The following ZNF532 variants were observed in gnomAD, a reference collection of about 807,000 sequenced individuals.
The protein encoded by ZNF532 is zinc finger protein 532.
In ZNF532, 22 loss-of-function variants were observed where a neutral mutation model predicts 89.3. The observed-to-expected ratio is 0.25, with a 90% CI of 0.18 to 0.35. The LOEUF is 0.35. Among genes scored for constraint, ZNF532 ranks in the 10% least tolerant of loss-of-function variants. The pLI is 1.00. For missense variants in ZNF532, 1,132 were observed against 1,643.4 expected (o/e 0.69, Z 5.38); for synonymous variants, 606 against 649.6 (o/e 0.93, Z 1.02).
At chr18:58,921,054 C>T (rs1446707065) in intron 3 of ZNF532, among the ~76,000 whole-genome samples, 2 of 151,328 alleles carry the variant, frequency 1.3e-5, no homozygotes, top group Non-Finnish European at 2.9e-5. Flanking sequence ...TGAGCCACTG[C>T]ACTGTAGCCT....
chr18:58,889,792 C>A (rs931732828), intron 2 of ZNF532, among the ~76,000 whole-genome samples: 4 of 146,230 alleles, frequency 2.7e-5, no homozygotes, highest in African/African-American at 5.1e-5. Flanking sequence ...AACAAAAAAA[C>A]CCCAAAATTT....
At chr18:58,939,867 A>G (rs2062828283) in intron 5 of ZNF532, 1 of 308,782 alleles carries the variant, frequency 3.2e-6, no homozygotes, top group African/African-American at 2.2e-5. Context: ...CTCAACAAGT[A>G]AATATTTATA....
rs925128854 is a variant in ZNF532, at chr18:58,984,560, T to G, written c.*94T>G. ...TGCAGTATAATAGAGTTAACAGTAC[T>G]GTCTAGGCTGTTGCAATATATTCTC... On this transcript the variant is annotated 3_prime_UTR_variant, in exon 10 of 10. Coordinates refer to ENST00000591808, the MANE Select transcript of ZNF532 (RefSeq NM_001375912.1). 3 of 1,407,796 alleles carry G rather than the reference T, an allele frequency of 2.1e-6. No homozygotes were observed. The highest frequency in any genetic ancestry group is 5.4e-5 in the Admixed American group (2 of 37,036). The allele number at this position is 1,407,796 out of a possible 1,614,324, so 87.2% of individuals were successfully genotyped here. A position where few individuals can be genotyped will look rare whatever the true frequency, so the allele number is the denominator to read the frequency against.
At chr18:58,938,086 G>A (rs1014417723) in intron 4 of ZNF532, among the ~76,000 whole-genome samples, 3 of 152,118 alleles carry the variant, frequency 2.0e-5, no homozygotes, top group South Asian at 2.1e-4. Flanking sequence ...GTGTAACTTC[G>A]GAAGCATCTC....
rs750548081 is a variant in ZNF532, at chr18:58,948,114, C to A, written c.2753C>A (p.Thr918Asn). Residue 918 changes from threonine to asparagine, a missense_variant, in exon 6 of 10, where the codon ACC (threonine) becomes AAC (asparagine). Thr to Asn is a moderately conservative substitution (Grantham distance 65, BLOSUM62 0). This residue lies in a region of ZNF532 where 415 missense variants were observed against 604.8 expected (regional missense o/e 0.69). Transcript: ENST00000591808. ...SMCDTVFTLQ[T>N]LLYRHFDQHI... ...TGCGACACTGTGTTCACCCTGCAAA[C>A]CTTGCTGTATCGCCACTTTGACCAA... The A allele has an allele frequency of 4.3e-6, 7 of 1,613,710 alleles. No homozygotes were observed. The Admixed American group carries it at 1.0e-4, about 23-fold the overall frequency.
At chr18:58,946,765 C>T (rs1442637426) in intron 5 of ZNF532, among the ~76,000 whole-genome samples, 1 of 152,152 alleles carries the variant, frequency 6.6e-6, no homozygotes, top group Non-Finnish European at 1.5e-5. Flanking sequence ...CACCCCCTCC[C>T]CCAAGGGTAC....
chr18:58,905,446 G>T (rs2059876161), intron 2 of ZNF532, among the ~76,000 whole-genome samples: 1 of 149,644 alleles, frequency 6.7e-6, no homozygotes, highest in Non-Finnish European at 1.5e-5. Flanking sequence ...TGTTGCCCAG[G>T]CTGAAGTGCA....
chr18:58,936,609 T>C (rs967709317), intron 4 of ZNF532, among the ~76,000 whole-genome samples: 1 of 152,220 alleles, frequency 6.6e-6, no homozygotes, highest in Non-Finnish European at 1.5e-5. Context: ...GTATTTCAAA[T>C]TGTAGATTTC....
chr18:58,866,806 A>C (rs1258362794), intron 2 of ZNF532, among the ~76,000 whole-genome samples: 1 of 152,266 alleles, frequency 6.6e-6, no homozygotes, highest in African/African-American at 2.4e-5. Context: ...AAAACTGGCA[A>C]AAGGGAAACA....
chr18:58,876,519 T>G (rs2144770872), intron 2 of ZNF532, among the ~76,000 whole-genome samples: 1 of 152,330 alleles, frequency 6.6e-6, no homozygotes, highest in East Asian at 1.9e-4. Flanking sequence ...GACTGTTTTT[T>G]TTGATCACAG....
chr18:58,969,965 A>C (rs554297045), intron 7 of ZNF532, among the ~76,000 whole-genome samples: 7 of 141,808 alleles, frequency 4.9e-5, no homozygotes, highest in Admixed American at 4.4e-4. Flanking sequence ...GCTCACTGCA[A>C]CCTCCCACTC....
chr18:58,910,142 T>C (rs1259118596), intron 2 of ZNF532, among the ~76,000 whole-genome samples: 1 of 152,236 alleles, frequency 6.6e-6, no homozygotes, highest in Non-Finnish European at 1.5e-5. Flanking sequence ...TACCCAACTT[T>C]ACTTAAAGGT....
At chr18:58,931,139 A>T (rs140333990) in intron 3 of ZNF532, among the ~76,000 whole-genome samples, 80 of 152,326 alleles carry the variant, frequency 5.3e-4, no homozygotes, top group Non-Finnish European at 7.5e-4. Context: ...TTTTTAGATG[A>T]CATAAGTAAA....
intron 7 of ZNF532, among the ~76,000 whole-genome samples, chr18:58,969,870 TC>T (rs1398498922): frequency 1.3e-4 from 19 of 146,222 alleles, no homozygotes; most frequent in African/African-American, 4.4e-4. Context: ...GCAATATTTG[TC>T]CCTTTTTTTT....
intron 2 of ZNF532, among the ~76,000 whole-genome samples, chr18:58,869,296 A>G (rs2056764741): frequency 6.6e-6 from 1 of 152,238 alleles, no homozygotes; most frequent in Non-Finnish European, 1.5e-5. Flanking sequence ...CGTAGTGAAC[A>G]TTGTCTGAAG....
At chr18:58,926,801 T>C (rs1035019995) in intron 3 of ZNF532, among the ~76,000 whole-genome samples, 1 of 151,114 alleles carries the variant, frequency 6.6e-6, no homozygotes, top group Non-Finnish European at 1.5e-5. Context: ...AACTCAGTTA[T>C]TGGTTTCAGG....
At chr18:58,947,943 C>G in intron 5 of ZNF532, 124 bp from the exon 6 acceptor site, 1 of 828,300 alleles carries the variant, frequency 1.2e-6, no homozygotes, top group Non-Finnish European at 1.8e-6. Flanking sequence ...AATCGTTGTT[C>G]TATTTATTGT....
intron 5 of ZNF532, among the ~76,000 whole-genome samples, chr18:58,946,353 C>T (rs1277874424): frequency 6.1e-5 from 9 of 146,464 alleles, no homozygotes; most frequent in Admixed American, 4.9e-4. Flanking sequence ...CGTACAGTGG[C>T]GTGATCTCAG....
intron 2 of ZNF532, among the ~76,000 whole-genome samples, chr18:58,886,008 G>C (rs1048091514): frequency 6.6e-6 from 1 of 151,922 alleles, no homozygotes; most frequent in South Asian, 2.1e-4. Flanking sequence ...ACGGAGTCTC[G>C]TTCTGTCATC....
Sources: allele counts gnomAD v4.1 joint callset (sites outside exome capture counted in the v4.1 genomes callset), GRCh38; gene constraint gnomAD v4.1.1; regional missense constraint gnomAD v4.1.1; transcripts MANE v1.5; gene names NCBI Gene and HGNC (gene_info 2026-07-23, HGNC 2026-07-21).